NAA15: variants seen among roughly 807,000 people sequenced by gnomAD.
The protein encoded by NAA15 is N-terminal acetyltransferase.
A neutral mutation model predicts 114.0 loss-of-function variants in NAA15; 34 were observed. That is an observed-to-expected ratio of 0.30 (90% CI 0.23 to 0.40). NAA15 has a LOEUF of 0.40. Ranked by LOEUF, NAA15 falls within the 10% of genes least tolerant of loss-of-function variation. The probability of loss-of-function intolerance (pLI) is 1.00; values close to 1 mark genes in which losing one functional copy is unlikely to be tolerated. For missense variants in NAA15, 658 were observed against 1,004.5 expected (o/e 0.66, Z 4.66); for synonymous variants, 340 against 338.0 (o/e 1.01, Z -0.06).
chr4:139,351,293 G>A lies in NAA15; in HGVS notation c.907+7G>A, dbSNP rs1280427669. The A allele has an allele frequency of 1.3e-6, 2 of 1,556,010 alleles. No homozygotes were observed. Among genetic ancestry groups the A allele is most frequent in the South Asian group, 1.1e-5 (1 of 87,558 alleles). On this transcript the variant is annotated splice_region_variant and intron_variant, in intron 8 of 19. Coordinates refer to ENST00000296543, the MANE Select transcript of NAA15 (RefSeq NM_057175.5). ...CCGTTAAACTTTTTATCTGGTAAGT[G>A]AGAATAATTGCAAAGGAATAGAAAT... is the stretch of plus-strand genomic sequence containing the variant.
chr4:139,321,809 G>GTGTT (rs1358925408), intron 1 of NAA15, among the ~76,000 whole-genome samples: 2 of 151,882 alleles, frequency 1.3e-5, no homozygotes, highest in African/African-American at 4.8e-5. Flanking sequence ...TGTTGCCTTT[G>GTGTT]TGTTTTGCTT....
intron 1 of NAA15, among the ~76,000 whole-genome samples, chr4:139,316,465 C>A (rs989897348): frequency 6.6e-6 from 1 of 151,602 alleles, no homozygotes; most frequent in African/African-American, 2.4e-5. Context: ...TTACAAGTTC[C>A]TGTTATTTGT....
chr4:139,313,540 C>G lies in NAA15; in HGVS notation c.54+11709C>G, dbSNP rs571623878. Among the ~76,000 whole-genome samples the G allele has an allele frequency of 1.2e-4, 17 of 147,106 alleles. 2 individuals are homozygous for G. In the East Asian group the frequency reaches 1.6e-3, roughly 14 times the overall value. On this transcript the variant is annotated intron_variant, in intron 1 of 19. Coordinates refer to ENST00000296543, the MANE Select transcript of NAA15 (RefSeq NM_057175.5). Reference sequence around the variant, plus strand: ...ATGACTACATTGTTACAGTATATTTCTTTCTTTTTTTTTTTTTTGAGACGG... The same window carrying G: ...ATGACTACATTGTTACAGTATATTTGTTTCTTTTTTTTTTTTTTGAGACGG...
Position 139,309,453 on chromosome 4 carries a change from G to GTA in NAA15, c.54+7623_54+7624insAT, listed in dbSNP as rs1165967523. Among the ~76,000 whole-genome samples, 14 of 136,840 alleles carry GTA rather than the reference G, an allele frequency of 1.0e-4. No homozygotes were observed. The South Asian group carries it at 3.3e-3, about 32-fold the overall frequency. The allele number at this position is 136,840 out of a possible 152,430, so 89.8% of individuals were successfully genotyped here. A position where few individuals can be genotyped will look rare whatever the true frequency, so the allele number is the denominator to read the frequency against. On this transcript the variant is annotated intron_variant, in intron 1 of 19. Coordinates refer to ENST00000296543, the MANE Select transcript of NAA15 (RefSeq NM_057175.5). The stretch of plus-strand genomic sequence containing the variant: ...TGTGTGTGTGTGTGTGTGTGTGTGT[G>GTA]TGTGTGTGTGTGTGTGTCCAGGATT...
chr4:139,329,767 A>G (rs968405584), intron 1 of NAA15, among the ~76,000 whole-genome samples: 5 of 152,192 alleles, frequency 3.3e-5, no homozygotes, highest in African/African-American at 7.2e-5. Flanking sequence ...CAACAGACAC[A>G]TGGGGATCTT....
At position 139,378,767 on chromosome 4, in the gene NAA15, T is replaced by C. The variant is rs1433222659; in HGVS notation, c.2068T>C (p.Leu690=). The change falls in exon 17 of 20, where the codon TTG becomes CTG. Residue 690 remains leucine (L), a synonymous_variant. Coordinates refer to ENST00000296543, the MANE Select transcript of NAA15 (RefSeq NM_057175.5). ...TTCTCTTTTTATAGAAAAGTTTCTT[T>C]TGATGCTACAATCAGTAAAGAGGGC... The part of the protein sequence containing the change: ...EIYFRKEKFL[L]MLQSVKRAFA... 1.3e-6 allele frequency: 2 copies of C among 1,558,440 alleles called. No homozygotes were observed. Among genetic ancestry groups the C allele is most frequent in the Non-Finnish European group, 1.7e-6 (2 of 1,159,356 alleles).
In NAA15 at chr4:139,351,173, A is replaced by G; in HGVS notation, c.812-18A>G. On this transcript the variant is annotated intron_variant, in intron 7 of 19. Coordinates refer to ENST00000296543, the MANE Select transcript of NAA15 (RefSeq NM_057175.5). ...AATTTATGATTATATATAACAAAGA[A>G]TTTTTCTTTGTTTGCAGCTAATATG... 1 of 1,435,956 alleles carries G rather than the reference A, an allele frequency of 7.0e-7. No homozygotes were observed. Among genetic ancestry groups the G allele is most frequent in the Middle Eastern group, 1.8e-4 (1 of 5,482 alleles). The allele number at this position is 1,435,956 out of a possible 1,614,324, so 89.0% of individuals were successfully genotyped here. A position where few individuals can be genotyped will look rare whatever the true frequency, so the allele number is the denominator to read the frequency against.
intron 1 of NAA15, among the ~76,000 whole-genome samples, chr4:139,323,660 T>C (rs1746695892): frequency 6.6e-6 from 1 of 152,226 alleles, no homozygotes; most frequent in South Asian, 2.1e-4. Context: ...TATTCTGCAG[T>C]CTGGAAGATG....
intron 1 of NAA15, among the ~76,000 whole-genome samples, chr4:139,331,536 T>TC (rs1746999391): frequency 6.6e-6 from 1 of 151,384 alleles, no homozygotes; most frequent in South Asian, 2.1e-4. Context: ...AGCCTCCGCC[T>TC]CCCAGCTTCC....
At chr4:139,342,305 C>CT (rs1281616281) in intron 4 of NAA15, among the ~76,000 whole-genome samples, 1 of 151,936 alleles carries the variant, frequency 6.6e-6, no homozygotes. Context: ...AAACTTAAAT[C>CT]TGGTCTTAAG....
At chr4:139,326,970 G>T (rs187407758) in intron 1 of NAA15, among the ~76,000 whole-genome samples, 1 of 151,976 alleles carries the variant, frequency 6.6e-6, no homozygotes, top group Non-Finnish European at 1.5e-5. Flanking sequence ...GTCTCTCTGT[G>T]TCTTGCCCAG....
chr4:139,371,485 AAAAG>A (rs1748435469), intron 15 of NAA15, among the ~76,000 whole-genome samples: 1 of 140,886 alleles, frequency 7.1e-6, no homozygotes, highest in Non-Finnish European at 1.5e-5. Context: ...AAAAAAAAAA[AAAAG>A]AAAAGTAGCA....
At chr4:139,350,748 G>A (rs1747751694) in intron 7 of NAA15, among the ~76,000 whole-genome samples, 1 of 152,194 alleles carries the variant, frequency 6.6e-6, no homozygotes, top group Non-Finnish European at 1.5e-5. Flanking sequence ...TTGCTGCCAT[G>A]AAACATGAAT....
intron 1 of NAA15, among the ~76,000 whole-genome samples, chr4:139,320,118 G>A (rs1457112717): frequency 6.6e-6 from 1 of 152,000 alleles, no homozygotes; most frequent in East Asian, 1.9e-4. Context: ...CTTTTCCCAG[G>A]CAAGTTGAGA....
At position 139,301,700 on chromosome 4, in the gene NAA15, G is replaced by A. The variant is rs1745752713; in HGVS notation, c.-78G>A. 4.0e-6 allele frequency: 6 copies of A among 1,498,212 alleles called. No homozygotes were observed. Among genetic ancestry groups the A allele is most frequent in the Non-Finnish European group, 4.5e-6 (5 of 1,106,636 alleles). The allele number at this position is 1,498,212 out of a possible 1,614,324, so 92.8% of individuals were successfully genotyped here. ...AGATATTCAAGGCTGAAGCAGCTAC[G>A]GAACGGCAGCGGCGGCGGTCGGACA... is the stretch of plus-strand genomic sequence containing the variant. On this transcript the variant is annotated 5_prime_UTR_variant, in exon 1 of 20. Transcript: ENST00000296543.
At chr4:139,301,890 A>AC (rs952750462) in intron 1 of NAA15, 59 bp downstream of exon 1, 2 of 1,524,428 alleles carry the variant, frequency 1.3e-6, no homozygotes, top group African/African-American at 2.8e-5. Flanking sequence ...CGGGCCTGTC[A>AC]CCCCTAACCT....
At chr4:139,367,972 C>T (rs987176423) in intron 14 of NAA15, among the ~76,000 whole-genome samples, 1 of 151,400 alleles carries the variant, frequency 6.6e-6, no homozygotes, top group East Asian at 2.0e-4. Context: ...CTGCAGCCTC[C>T]TCAAAGTCTA....
At chr4:139,341,138 A>G (rs2110911321) in intron 4 of NAA15, 69 bp downstream of exon 4, 2 of 1,116,162 alleles carry the variant, frequency 1.8e-6, no homozygotes, top group East Asian at 2.8e-5. Flanking sequence ...GTACTTTCAG[A>G]TACATAAATT....
At chr4:139,319,927 A>G (rs1311537268) in intron 1 of NAA15, among the ~76,000 whole-genome samples, 2 of 152,048 alleles carry the variant, frequency 1.3e-5, no homozygotes, top group African/African-American at 4.8e-5. Flanking sequence ...GATAAATTTT[A>G]TTGCACACTG....
Sources: allele counts gnomAD v4.1 joint callset (sites outside exome capture counted in the v4.1 genomes callset), GRCh38; gene constraint gnomAD v4.1.1; transcripts MANE v1.5; gene names NCBI Gene and HGNC (gene_info 2026-07-23, HGNC 2026-07-21).